FHIT: variants seen among roughly 807,000 people sequenced by gnomAD.
The protein encoded by FHIT is fragile histidine triad diadenosine triphosphatase, also known as bis(5'-adenosyl)-triphosphatase.
A neutral mutation model predicts 17.9 loss-of-function variants in FHIT; 19 were observed. That is an observed-to-expected ratio of 1.06 (90% CI 0.74 to 1.56). The LOEUF (loss-of-function observed/expected upper bound fraction) is 1.56, where lower values mean the gene tolerates loss of function less well. FHIT is among the 40% of genes most tolerant of loss of function. The pLI, the probability that FHIT is intolerant of heterozygous loss-of-function variation, is 0.00. For missense variants in FHIT, 248 were observed against 189.2 expected (o/e 1.31, Z -1.82); for synonymous variants, 81 against 69.7 (o/e 1.16, Z -0.81).
At chr3:59,834,343 A>C (rs1303918555) in intron 8 of FHIT, among the ~76,000 whole-genome samples, 1 of 152,196 alleles carries the variant, frequency 6.6e-6, no homozygotes, top group Middle Eastern at 3.2e-3. Flanking sequence ...TATATTTGTT[A>C]AACAATAGAT....
At chr3:60,440,682 C>A (rs893841668) in intron 5 of FHIT, among the ~76,000 whole-genome samples, 2 of 152,008 alleles carry the variant, frequency 1.3e-5, no homozygotes, top group Non-Finnish European at 2.9e-5. Flanking sequence ...GGTAACCAAA[C>A]AGATAAAATT....
chr3:60,693,172 G>A (rs2041032897), intron 4 of FHIT, among the ~76,000 whole-genome samples: 1 of 152,176 alleles, frequency 6.6e-6, no homozygotes. Context: ...ACTCCAATAT[G>A]AATTTAATTT....
intron 2 of FHIT, among the ~76,000 whole-genome samples, chr3:61,067,657 A>G (rs2034658805): frequency 6.6e-6 from 1 of 152,152 alleles, no homozygotes; most frequent in South Asian, 2.1e-4. Flanking sequence ...TTCACCAACA[A>G]TCACATTGTC....
At chr3:60,065,823 C>A (rs1353290695) in intron 5 of FHIT, among the ~76,000 whole-genome samples, 2 of 152,172 alleles carry the variant, frequency 1.3e-5, no homozygotes, top group African/African-American at 4.8e-5. Flanking sequence ...CAGTGAAAAT[C>A]TGCTGGGGAA....
chr3:60,133,234 G>C (rs924351406), intron 5 of FHIT, among the ~76,000 whole-genome samples: 5 of 152,112 alleles, frequency 3.3e-5, no homozygotes, highest in Non-Finnish European at 7.4e-5. Context: ...AATCTGATGT[G>C]TTCGGCCAGA....
intron 4 of FHIT, among the ~76,000 whole-genome samples, chr3:60,652,670 G>A (rs2040019468): frequency 1.4e-5 from 2 of 145,964 alleles, no homozygotes; most frequent in African/African-American, 5.1e-5. Flanking sequence ...GGAGCTTGCA[G>A]TGAGCTGAGA....
intron 2 of FHIT, among the ~76,000 whole-genome samples, chr3:61,158,634 CATTA>C (rs60572523): frequency 0.43 from 64,879 of 151,498 alleles, 14,793 homozygotes; most frequent in East Asian, 0.86. Context: ...TTTTCCATTG[CATTA>C]ATTAATTAGA....
intron 3 of FHIT, among the ~76,000 whole-genome samples, chr3:61,018,551 A>G (rs1329903127): frequency 6.6e-6 from 1 of 152,246 alleles, no homozygotes; most frequent in Non-Finnish European, 1.5e-5. Flanking sequence ...ATGGTTAGAC[A>G]GTCAGATGCC....
chr3:61,038,088 T>C (rs1055915040), intron 3 of FHIT, among the ~76,000 whole-genome samples: 2 of 152,224 alleles, frequency 1.3e-5, no homozygotes, highest in Non-Finnish European at 1.5e-5. Flanking sequence ...TTGATTTAAG[T>C]AACAATCATC....
At chr3:59,803,452 G>T (rs1395142882) in intron 8 of FHIT, among the ~76,000 whole-genome samples, 3 of 152,198 alleles carry the variant, frequency 2.0e-5, no homozygotes, top group Admixed American at 6.5e-5. Context: ...AGCTCCTGCT[G>T]CATTAACGGT....
intron 5 of FHIT, among the ~76,000 whole-genome samples, chr3:60,160,332 C>T (rs1381023248): frequency 6.6e-6 from 1 of 152,184 alleles, no homozygotes; most frequent in Non-Finnish European, 1.5e-5. Flanking sequence ...CATGACTGCT[C>T]ATTTGAACTT....
At chr3:59,925,836 G>A (rs977851596) in intron 7 of FHIT, among the ~76,000 whole-genome samples, 1 of 152,134 alleles carries the variant, frequency 6.6e-6, no homozygotes, top group Non-Finnish European at 1.5e-5. Context: ...GGGAAATCAC[G>A]ATAGAGCCAG....
intron 5 of FHIT, among the ~76,000 whole-genome samples, chr3:60,515,753 A>T (rs1444762864): frequency 2.6e-5 from 4 of 152,158 alleles, no homozygotes; most frequent in African/African-American, 7.2e-5. Flanking sequence ...TGCATATATT[A>T]ACTCACATGA....
intron 5 of FHIT, among the ~76,000 whole-genome samples, chr3:60,398,766 T>C (rs1416161777): frequency 6.6e-6 from 1 of 152,186 alleles, no homozygotes; most frequent in Non-Finnish European, 1.5e-5. Context: ...CTGGAAGGAA[T>C]CTATTTGATT....
chr3:60,768,271 G>A (rs571614322), intron 4 of FHIT, among the ~76,000 whole-genome samples: 151 of 152,296 alleles, frequency 9.9e-4, no homozygotes, highest in Middle Eastern at 3.4e-3. Flanking sequence ...GGAAGAAAAA[G>A]AGGGGAAGAC....
At chr3:60,728,734 T>C (rs2041968614) in intron 4 of FHIT, among the ~76,000 whole-genome samples, 1 of 139,652 alleles carries the variant, frequency 7.2e-6, no homozygotes. Context: ...CACACACAAT[T>C]GGCATGCAAC....
In FHIT at chr3:59,868,585, C is replaced by A. The variant is rs552866476; in HGVS notation, c.348+53761G>T. Among the ~76,000 whole-genome samples the A allele has an allele frequency of 1.2e-4, 18 of 152,324 alleles. No individual in the cohort carries two copies. The South Asian group carries it at 3.5e-3, about 30-fold the overall frequency. The stretch of plus-strand genomic sequence containing the variant: ...ACAGTGCATTTCTCTGACAGCAATA[C>A]AGAACCTCAAACAAATATTACCCTT... On this transcript the variant is annotated intron_variant, in intron 8 of 9. Transcript: ENST00000492590.
chr3:61,242,820 C>T (rs977769830), intron 1 of FHIT, among the ~76,000 whole-genome samples: 5 of 152,074 alleles, frequency 3.3e-5, no homozygotes, highest in Non-Finnish European at 2.9e-5. Flanking sequence ...GGCACAAGAC[C>T]AAATGAGCCA....
At chr3:60,731,068 T>C (rs1443161278) in intron 4 of FHIT, among the ~76,000 whole-genome samples, 2 of 151,640 alleles carry the variant, frequency 1.3e-5, no homozygotes, top group Non-Finnish European at 2.9e-5. Flanking sequence ...CAGGCGAAGG[T>C]TGCAGTGAGC....
Sources: allele counts gnomAD v4.1 joint callset (sites outside exome capture counted in the v4.1 genomes callset), GRCh38; gene constraint gnomAD v4.1.1; transcripts MANE v1.5; gene names NCBI Gene and HGNC (gene_info 2026-07-23, HGNC 2026-07-21).